Variants in PLA2G2F observed in about 807,000 individuals in gnomAD.
The protein encoded by PLA2G2F is phospholipase A2 group IIF, also known as group IIF secretory phospholipase A2.
A neutral mutation model predicts 15.9 loss-of-function variants in PLA2G2F; 17 were observed. The ratio of observed to expected loss-of-function variants is 1.07; its 90% confidence interval spans 0.73 to 1.60. The LOEUF (loss-of-function observed/expected upper bound fraction) is 1.60. Ranked by LOEUF, PLA2G2F falls within the 40% of genes most tolerant of loss-of-function variation. The pLI, the probability that PLA2G2F is intolerant of heterozygous loss-of-function variation, is 0.00. For missense variants in PLA2G2F, 299 were observed against 278.2 expected, an observed-to-expected ratio of 1.07 and a Z score of -0.53; for synonymous variants, 119 against 106.5, an observed-to-expected ratio of 1.12 and a Z score of -0.72.
intron 2 of PLA2G2F, 35 bp from the exon 3 acceptor site, chr1:20,143,411 G>T (rs1344485572): frequency 1.2e-6 from 2 of 1,603,884 alleles, no homozygotes; most frequent in East Asian, 2.2e-5. Flanking sequence ...CAGCCCCGGG[G>T]CAGGGGCTCA....
At position 20,143,431 on chromosome 1, in the gene PLA2G2F, C is replaced by T. The variant is rs901117418; in HGVS notation, c.170-15C>T. ...CCGGGGCAGGGGCTCAGAGCACCCC[C>T]TGGTTCTCTTGCAGTTCTGTCCACA... is the stretch of plus-strand genomic sequence containing the variant. On this transcript the variant is annotated splice_polypyrimidine_tract_variant and intron_variant, in intron 2 of 4. Coordinates refer to ENST00000375102, the MANE Select transcript of PLA2G2F (RefSeq NM_022819.4). The T allele has an allele frequency of 9.4e-5, 152 of 1,612,206 alleles. No homozygotes were observed. Among genetic ancestry groups the T allele is most frequent in the Non-Finnish European group, 1.3e-4 (151 of 1,178,744 alleles).
intron 2 of PLA2G2F, 143 bp from the exon 3 acceptor site, chr1:20,143,303 A>C: frequency 9.1e-7 from 1 of 1,095,032 alleles, no homozygotes; most frequent in Non-Finnish European, 1.3e-6. Flanking sequence ...TTCTTGCCCC[A>C]GCTTCCTCTC....
intron 4 of PLA2G2F, among the ~76,000 whole-genome samples, chr1:20,145,982 C>T (rs2017595843): frequency 6.6e-6 from 1 of 152,226 alleles, no homozygotes; most frequent in African/African-American, 2.4e-5. Context: ...ATCTGACCAG[C>T]CTAGCTGTGG....
At chr1:20,143,014 C>A (rs1189469874) in intron 2 of PLA2G2F, 1 of 154,788 alleles carries the variant, frequency 6.5e-6, no homozygotes, top group East Asian at 1.9e-4. Flanking sequence ...GGTCCAAATT[C>A]TGTCTCCACT....
In PLA2G2F at chr1:20,148,694, AG is replaced by A; in HGVS notation, c.*297del. On this transcript the variant is annotated 3_prime_UTR_variant, in exon 5 of 5. Coordinates refer to ENST00000375102, the MANE Select transcript of PLA2G2F (RefSeq NM_022819.4). ...CCGGGGAGACCTGAGAGAGAGGAGGAGGGGCCTCTGAGTGGGGCCTCTGTTG... is the reference window on the plus strand; with the variant it reads ...CCGGGGAGACCTGAGAGAGAGGAGGAGGGCCTCTGAGTGGGGCCTCTGTTG... 2.3e-6 allele frequency: 1 copy of A among 439,040 alleles called. No homozygotes were observed. Among genetic ancestry groups the A allele is most frequent in the South Asian group, 3.5e-5 (1 of 28,346 alleles). The allele number at this position is 439,040 out of a possible 1,614,324, so 27.2% of individuals were successfully genotyped here. A position where few individuals can be genotyped will look rare whatever the true frequency, so the allele number is the denominator to read the frequency against.
In PLA2G2F at chr1:20,144,560, TC is replaced by T. The variant is rs773214788; in HGVS notation, c.315-19del. The T allele has an allele frequency of 5.0e-6, 8 of 1,586,534 alleles. No individual in the cohort carries two copies. The Admixed American group carries it at 1.0e-4, about 21-fold the overall frequency. On this transcript the variant is annotated intron_variant, in intron 3 of 4. Coordinates refer to ENST00000375102, the MANE Select transcript of PLA2G2F (RefSeq NM_022819.4). The stretch of plus-strand genomic sequence containing the variant: ...GGCCGGCCCAGCCATGCCTGTCCAC[TC>T]ACCTCTGCCGCTCCCTAGGTGCTGC...
chr1:20,140,538 T>C, intron 2 of PLA2G2F: 1 of 317,062 alleles, frequency 3.2e-6, no homozygotes, highest in Non-Finnish European at 5.9e-6. Context: ...TTAATGATTT[T>C]GTGTGCAGAC....
chr1:20,139,516 G>T lies in PLA2G2F; in HGVS notation c.89G>T (p.Gly30Val). The change falls in exon 1 of 5, where the codon GGG (glycine) becomes GTG (valine). Residue 30 changes from glycine (G) to valine (V), a missense_variant. Transcript: ENST00000375102. Reference protein sequence around the residue: ...CFSGWRGPRFGASCPSRTSRS... With the variant: ...CFSGWRGPRFVASCPSRTSRS... ...TCTGGGTGGAGGGGCCCACGCTTCG[G>T]GGCCTCCTGTCCTTCAAGAACCTCC... 1 of 1,566,352 alleles carries T rather than the reference G, an allele frequency of 6.4e-7. No individual in the cohort carries two copies. The highest frequency in any genetic ancestry group is 2.3e-5 in the East Asian group (1 of 42,738).
At chr1:20,141,576 C>G (rs1401962980) in intron 2 of PLA2G2F, 1 of 152,290 alleles carries the variant, frequency 6.6e-6, no homozygotes, top group African/African-American at 2.4e-5. Flanking sequence ...CTCTTCTTCT[C>G]TTGCCACATG....
chr1:20,139,520 C>T lies in PLA2G2F; in HGVS notation c.93C>T (p.Ala31=). ...FSGWRGPRFG[A]SCPSRTSRSS... is the part of the protein sequence containing the mutation. The stretch of plus-strand genomic sequence containing the variant: ...GGTGGAGGGGCCCACGCTTCGGGGC[C>T]TCCTGTCCTTCAAGAACCTCCAGGT... The change falls in exon 1 of 5, where the codon GCC becomes GCT. Residue 31 remains alanine, a synonymous_variant. Transcript: ENST00000375102. 1 of 1,557,738 alleles carries T rather than the reference C, an allele frequency of 6.4e-7. No individual in the cohort carries two copies. Among genetic ancestry groups the T allele is most frequent in the Non-Finnish European group, 8.7e-7 (1 of 1,151,104 alleles).
In PLA2G2F at chr1:20,148,204, A is replaced by G. The variant is rs1269829295; in HGVS notation, c.439A>G (p.Thr147Ala). The change falls in exon 5 of 5, where the codon ACA (threonine) becomes GCA (alanine). Residue 147 changes from threonine to alanine, a missense_variant. Coordinates refer to ENST00000375102, the MANE Select transcript of PLA2G2F (RefSeq NM_022819.4). ...TCCCCCTGTAGGTGACCTCAACAAG[A>G]CAGAGTGTGACAAGCAGACATGCAT... ...TEIVCSDLNK[T>A]ECDKQTCMCD... The G allele has an allele frequency of 1.2e-6, 2 of 1,613,890 alleles. No individual in the cohort carries two copies. The highest frequency in any genetic ancestry group is 1.1e-5 in the South Asian group (1 of 91,066).
At chr1:20,140,275 T>C (rs2017432548) in intron 2 of PLA2G2F, 57 bp downstream of exon 2, 1 of 1,585,590 alleles carries the variant, frequency 6.3e-7, no homozygotes, top group Non-Finnish European at 8.6e-7. Flanking sequence ...TTGTCTCCCG[T>C]GACCTTGGGC....
At position 20,140,217 on chromosome 1, in the gene PLA2G2F, C is replaced by G; in HGVS notation, c.168C>G (p.Ser56Arg). 1 of 1,613,664 alleles carries G rather than the reference C, an allele frequency of 6.2e-7. No homozygotes were observed. Among genetic ancestry groups the G allele is most frequent in the Non-Finnish European group, 8.5e-7 (1 of 1,179,718 alleles). Reference protein sequence around the residue: ...KFFTVAILAGSVLSTAHGSLL... With the variant: ...KFFTVAILAGRVLSTAHGSLL... ...TCACCGTGGCCATCCTTGCTGGCAG[C>G]GGTGAGTAAAGACTCCAGAGGGCTC... Residue 56 changes from serine to arginine, a missense_variant and splice_region_variant, in exon 2 of 5, where the codon AGC becomes AGG. Ser to Arg is a moderately radical substitution (Grantham distance 110, BLOSUM62 -1). Transcript: ENST00000375102.
intron 4 of PLA2G2F, 24 bp from the exon 5 acceptor site, chr1:20,148,166 C>T (rs779040029): frequency 1.0e-5 from 16 of 1,604,066 alleles, no homozygotes; most frequent in Middle Eastern, 1.7e-4. Flanking sequence ...CATCCACAGC[C>T]TTTGCCACCC....
intron 4 of PLA2G2F, among the ~76,000 whole-genome samples, chr1:20,145,344 T>C (rs2017567027): frequency 6.6e-6 from 1 of 151,376 alleles, no homozygotes; most frequent in Admixed American, 6.6e-5. Context: ...TGCAGTGGCA[T>C]GATCTCGGCT....
intron 4 of PLA2G2F, among the ~76,000 whole-genome samples, chr1:20,145,171 A>G (rs1406741483): frequency 4.6e-5 from 7 of 152,222 alleles, no homozygotes; most frequent in African/African-American, 1.4e-4. Flanking sequence ...AATATTAAAT[A>G]TGTCCTAAAT....
Position 20,148,451 on chromosome 1 carries a change from C to T in PLA2G2F, c.*50C>T, listed in dbSNP as rs1422383989. ...GCGGGAGGAGGGTCTGGCTTGGGGA[C>T]CAGACGAGGTGCAGGGAGGGTAGGA... On this transcript the variant is annotated 3_prime_UTR_variant, in exon 5 of 5. Coordinates refer to ENST00000375102, the MANE Select transcript of PLA2G2F (RefSeq NM_022819.4). 2 of 1,502,336 alleles carry T rather than the reference C, an allele frequency of 1.3e-6. No individual in the cohort carries two copies. The highest frequency in any genetic ancestry group is 9.2e-7 in the Non-Finnish European group (1 of 1,085,474). 93.1% of individuals were successfully genotyped at this position (1,502,336 alleles called of 1,614,324 possible). A position where few individuals can be genotyped will look rare whatever the true frequency, so the allele number is the denominator to read the frequency against.
intron 4 of PLA2G2F, among the ~76,000 whole-genome samples, chr1:20,145,283 T>C (rs918357231): frequency 2.7e-5 from 4 of 150,614 alleles, no homozygotes; most frequent in Non-Finnish European, 4.4e-5. Flanking sequence ...CTAAAACATG[T>C]ATTTTTTTTT....
In PLA2G2F at chr1:20,148,313, G is replaced by A; in HGVS notation, c.548G>A (p.Gly183Asp). ...GGCTTCCTCAATGTCTACTGCCAGGGCCCCACGCCCAACTGCAGCATCTAT... is the reference window on the plus strand; with the variant it reads ...GGCTTCCTCAATGTCTACTGCCAGGACCCCACGCCCAACTGCAGCATCTAT... ...YRGFLNVYCQ[G>D]PTPNCSIYEP... The change falls in exon 5 of 5, where the codon GGC becomes GAC. Residue 183 changes from glycine (G) to aspartate (D), a missense_variant. Physicochemically the swap from Gly to Asp is moderately conservative, Grantham distance 94 (BLOSUM62 -1). Coordinates refer to ENST00000375102, the MANE Select transcript of PLA2G2F (RefSeq NM_022819.4). 6.2e-7 allele frequency: 1 copy of A among 1,614,058 alleles called. No individual in the cohort carries two copies. The highest frequency in any genetic ancestry group is 8.5e-7 in the Non-Finnish European group (1 of 1,179,996).
Sources: gnomAD v4.1 joint callset for allele counts (sites outside exome capture counted in the v4.1 genomes callset) on GRCh38, gnomAD v4.1.1 for gene constraint, MANE v1.5 for transcripts, NCBI Gene and HGNC (gene_info 2026-07-23, HGNC 2026-07-21) for gene names.